Variants in MAPK6 observed in about 807,000 individuals in gnomAD.
MAPK6 encodes mitogen-activated protein kinase 6.
Under a neutral mutation model 59.3 loss-of-function variants are expected in MAPK6, and 19 were observed. That is an observed-to-expected ratio of 0.32 (90% confidence interval 0.22 to 0.47). The LOEUF (loss-of-function observed/expected upper bound fraction) is 0.47, where lower values mean the gene tolerates loss of function less well. MAPK6 is among the 20% of genes least tolerant of loss of function. The pLI is 1.00. For missense variants in MAPK6, 724 were observed against 847.9 expected (o/e 0.85, Z 1.81); for synonymous variants, 316 against 290.3 (o/e 1.09, Z -0.90).
chr15:52,056,424 T>C (rs150379092), intron 3 of MAPK6, among the ~76,000 whole-genome samples: 1 of 152,008 alleles, frequency 6.6e-6, no homozygotes, highest in Non-Finnish European at 1.5e-5. Flanking sequence ...TCGTTGGATG[T>C]AAAACTTCTC....
intron 1 of MAPK6, among the ~76,000 whole-genome samples, chr15:52,037,825 G>T (rs1197560522): frequency 1.3e-5 from 2 of 152,172 alleles, no homozygotes; most frequent in Admixed American, 1.3e-4. Context: ...CGTAGAATAT[G>T]CTATTTACAT....
chr15:51,979,115 AAGAG>A (rs1460070053), intron 1 of MAPK6, among the ~76,000 whole-genome samples: 24 of 148,434 alleles, frequency 1.6e-4, no homozygotes, highest in Admixed American at 1.1e-3. Context: ...TGAAAAAAAA[AAGAG>A]AGAAAGAAAG....
At chr15:51,984,910 T>G (rs1437665247) in intron 2 of MAPK6, among the ~76,000 whole-genome samples, 2 of 152,346 alleles carry the variant, frequency 1.3e-5, no homozygotes, top group Admixed American at 1.3e-4. Context: ...TATATACTTC[T>G]GTGAGTTTGT....
intron 4 of MAPK6, among the ~76,000 whole-genome samples, chr15:52,059,252 A>G (rs2032102306): frequency 6.6e-6 from 1 of 152,202 alleles, no homozygotes; most frequent in Non-Finnish European, 1.5e-5. Context: ...CACTGTCACA[A>G]CATCCCTGTT....
chr15:52,019,732 A>C (rs1595974228), intron 1 of MAPK6, among the ~76,000 whole-genome samples: 1 of 150,660 alleles, frequency 6.6e-6, no homozygotes, highest in South Asian at 2.1e-4. Flanking sequence ...CTGGCCCCGC[A>C]CGCCTGCTGC....
intron 1 of MAPK6, among the ~76,000 whole-genome samples, chr15:51,980,322 T>C (rs1413113446): frequency 6.6e-6 from 1 of 151,002 alleles, no homozygotes; most frequent in Non-Finnish European, 1.5e-5. Context: ...AAAATGTGGA[T>C]ACCAAAATGT....
At chr15:52,033,507 T>C (rs1356049350) in intron 1 of MAPK6, among the ~76,000 whole-genome samples, 2 of 152,224 alleles carry the variant, frequency 1.3e-5, no homozygotes, top group African/African-American at 4.8e-5. Context: ...GGCTTTGGAC[T>C]CTTGACTTAG....
intron 1 of MAPK6, among the ~76,000 whole-genome samples, chr15:52,034,515 G>A (rs866408120): frequency 1.1e-4 from 16 of 151,860 alleles, no homozygotes; most frequent in African/African-American, 3.9e-4. Flanking sequence ...TCACCATGTT[G>A]CCCAGGCTGG....
At chr15:52,042,755 A>G (rs117194107) in intron 1 of MAPK6, 2 of 152,322 alleles carry the variant, frequency 1.3e-5, no homozygotes, top group Admixed American at 6.5e-5. Context: ...TGTCTATAGA[A>G]CTGACTTTAC....
intron 4 of MAPK6, among the ~76,000 whole-genome samples, chr15:52,059,229 G>A (rs1008243709): frequency 4.6e-5 from 7 of 152,146 alleles, no homozygotes; most frequent in Non-Finnish European, 7.3e-5. Flanking sequence ...TCCCTTGCTC[G>A]TAACCCTGTA....
At position 52,066,844 on chromosome 15, in the gene MAPK6, T is replaced by G. The variant is rs1157544348; in HGVS notation, c.*1844T>G. ...GGTTGAATACTGTCACGTTATTAAT[T>G]TAAACATACTCAAATTACCTTAAGA... On this transcript the variant is annotated 3_prime_UTR_variant, in exon 6 of 6. Coordinates refer to ENST00000261845, the MANE Select transcript of MAPK6 (RefSeq NM_002748.4). 1.3e-5 allele frequency: 2 copies of G among 151,972 alleles called. No homozygotes were observed. Among genetic ancestry groups the G allele is most frequent in the Non-Finnish European group, 2.9e-5 (2 of 68,008 alleles). The allele number at this position is 151,972 out of a possible 1,614,324, so 9.4% of individuals were successfully genotyped here.
intron 1 of MAPK6, chr15:52,021,694 A>C (rs1325752550): frequency 6.6e-6 from 1 of 152,146 alleles, no homozygotes; most frequent in Non-Finnish European, 1.5e-5. Context: ...GTCGGTAGAA[A>C]TTGACCTTAT....
chr15:52,054,396 C>G (rs956183909), intron 3 of MAPK6, among the ~76,000 whole-genome samples: 7 of 152,004 alleles, frequency 4.6e-5, no homozygotes, highest in African/African-American at 7.2e-5. Flanking sequence ...AAGGGATTAA[C>G]TTTTACACAT....
At chr15:51,978,199 C>G (rs2057162641) in intron 1 of MAPK6, among the ~76,000 whole-genome samples, 1 of 150,692 alleles carries the variant, frequency 6.6e-6, no homozygotes, top group African/African-American at 2.4e-5. Context: ...GTGGTGTAAT[C>G]TCAGCTCACT....
At chr15:51,998,305 A>C in intron 2 of MAPK6, among the ~76,000 whole-genome samples, 3 of 151,564 alleles carry the variant, frequency 2.0e-5, no homozygotes, top group Admixed American at 2.0e-4. Flanking sequence ...CCCGAGTTCA[A>C]GTGATTTTTG....
intron 2 of MAPK6, among the ~76,000 whole-genome samples, chr15:51,990,059 G>A (rs1422895656): frequency 6.6e-6 from 1 of 152,176 alleles, no homozygotes; most frequent in Non-Finnish European, 1.5e-5. Flanking sequence ...AGATTAATAG[G>A]AACAGCCTGA....
At chr15:52,019,183 C>CGT (rs1289154953), upstream of MAPK6, 1 of 148,268 alleles carries the variant, frequency 6.7e-6, no homozygotes, top group Non-Finnish European at 1.5e-5. Context: ...GAGCCTGTGA[C>CGT]GTGAGGGGGC....
chr15:51,990,252 C>T (rs1299632748), intron 2 of MAPK6, among the ~76,000 whole-genome samples: 1 of 152,126 alleles, frequency 6.6e-6, no homozygotes, highest in Non-Finnish European at 1.5e-5. Context: ...GAAAAAAATA[C>T]AACAAAGTAG....
intron 1 of MAPK6, among the ~76,000 whole-genome samples, chr15:52,032,341 C>T (rs2031070866): frequency 1.3e-5 from 2 of 151,668 alleles, no homozygotes; most frequent in South Asian, 4.2e-4. Context: ...CAGTCATGTG[C>T]CACCATGCTC....
Sources: gnomAD v4.1 joint callset for allele counts (sites outside exome capture counted in the v4.1 genomes callset) on GRCh38, gnomAD v4.1.1 for gene constraint, MANE v1.5 for transcripts, NCBI Gene and HGNC (gene_info 2026-07-23, HGNC 2026-07-21) for gene names.